The following PTCSC3 variants were observed in gnomAD, a reference collection of about 807,000 sequenced individuals.
PTCSC3 encodes papillary thyroid carcinoma susceptibility candidate 3, also known as papillary thyroid carcinoma susceptibility candidate 3 (non-protein coding).
chr14:36,162,661 C>G (rs906540353), exon 2 of PTCSC3: 1 of 152,254 alleles, frequency 6.6e-6, no homozygotes, highest in Non-Finnish European at 1.5e-5. Context: ...TAGACTGGAG[C>G]TGCTCCTATT....
intron 3 of PTCSC3, among the ~76,000 whole-genome samples, chr14:36,142,956 T>A (rs1300450160): frequency 6.6e-6 from 1 of 151,988 alleles, no homozygotes; most frequent in Non-Finnish European, 1.5e-5. Context: ...TGATTTCCAA[T>A]TTCACCCATG....
intron 1 of PTCSC3, among the ~76,000 whole-genome samples, chr14:36,173,984 CTTTT>C (rs111325788): frequency 6.6e-6 from 1 of 151,804 alleles, no homozygotes; most frequent in African/African-American, 2.4e-5. Context: ...TATAAAGTAC[CTTTT>C]TTTTCTCTTT....
chr14:36,141,488 G>A (rs1028390501), intron 3 of PTCSC3, among the ~76,000 whole-genome samples: 12 of 151,870 alleles, frequency 7.9e-5, no homozygotes, highest in Non-Finnish European at 1.6e-4. Flanking sequence ...AGGTAGCTGG[G>A]ATTACAGGCA....
intron 2 of PTCSC3, among the ~76,000 whole-genome samples, chr14:36,157,079 T>C (rs1881846267): frequency 6.6e-6 from 1 of 152,206 alleles, no homozygotes; most frequent in Non-Finnish European, 1.5e-5. Flanking sequence ...GCATCTGTTG[T>C]TTCCTGACTT....
At chr14:36,169,633 A>G (rs750473591) in intron 1 of PTCSC3, among the ~76,000 whole-genome samples, 104 of 152,112 alleles carry the variant, frequency 6.8e-4, no homozygotes, top group Non-Finnish European at 1.4e-3. Flanking sequence ...CTTTCTACCT[A>G]TCAATCTGGT....
At chr14:36,158,986 G>T (rs552742774) in intron 2 of PTCSC3, among the ~76,000 whole-genome samples, 6 of 151,968 alleles carry the variant, frequency 3.9e-5, no homozygotes, top group Admixed American at 2.6e-4. Context: ...ACTTGGGAGG[G>T]TATATGTGTC....
At chr14:36,150,605 G>GA (rs757397948) in intron 3 of PTCSC3, among the ~76,000 whole-genome samples, 1 of 152,048 alleles carries the variant, frequency 6.6e-6, no homozygotes, top group Non-Finnish European at 1.5e-5. Flanking sequence ...TTTCACTTTT[G>GA]AAAAATCTTC....
chr14:36,173,570 A>G (rs1480116161), intron 1 of PTCSC3, among the ~76,000 whole-genome samples: 1 of 152,186 alleles, frequency 6.6e-6, no homozygotes, highest in African/African-American at 2.4e-5. Flanking sequence ...TCTTAGGTAG[A>G]AGTGACTTGA....
At chr14:36,137,853 A>G (rs1016166895) in intron 3 of PTCSC3, among the ~76,000 whole-genome samples, 1 of 152,190 alleles carries the variant, frequency 6.6e-6, no homozygotes, top group African/African-American at 2.4e-5. Context: ...GAGACATGCA[A>G]GTGGAGATGA....
intron 2 of PTCSC3, among the ~76,000 whole-genome samples, chr14:36,154,396 A>G (rs745950796): frequency 6.6e-6 from 1 of 152,250 alleles, no homozygotes; most frequent in Non-Finnish European, 1.5e-5. Context: ...ACACATTATC[A>G]CAAACATGCT....
chr14:36,159,879 A>C (rs1031540988), intron 2 of PTCSC3, among the ~76,000 whole-genome samples: 31 of 152,078 alleles, frequency 2.0e-4, no homozygotes, highest in Non-Finnish European at 7.4e-5. Flanking sequence ...GTAGGTCTCT[A>C]AGGACTTGCT....
chr14:36,151,591 T>A (rs1013119855), intron 3 of PTCSC3, among the ~76,000 whole-genome samples: 3 of 152,212 alleles, frequency 2.0e-5, no homozygotes, highest in African/African-American at 7.2e-5. Flanking sequence ...ATTTTGTGAT[T>A]AAAATATCTC....
intron 2 of PTCSC3, among the ~76,000 whole-genome samples, chr14:36,162,075 T>A (rs1187851425): frequency 2.6e-5 from 4 of 151,960 alleles, no homozygotes; most frequent in African/African-American, 4.8e-5. Flanking sequence ...AGCTCGAGTG[T>A]CCCAGGTCAA....
At chr14:36,163,969 G>A (rs972748961) in intron 1 of PTCSC3, among the ~76,000 whole-genome samples, 2 of 152,068 alleles carry the variant, frequency 1.3e-5, no homozygotes, top group African/African-American at 4.8e-5. Context: ...AACAACAGAC[G>A]GTGTCAGGAG....
chr14:36,169,985 G>A (rs751534399), intron 1 of PTCSC3, among the ~76,000 whole-genome samples: 37 of 152,188 alleles, frequency 2.4e-4, no homozygotes, highest in Admixed American at 5.2e-4. Flanking sequence ...GCTCTAGAAC[G>A]TTGAACTGTG....
At chr14:36,149,542 C>T (rs1881675242) in intron 3 of PTCSC3, among the ~76,000 whole-genome samples, 1 of 152,172 alleles carries the variant, frequency 6.6e-6, no homozygotes, top group Non-Finnish European at 1.5e-5. Context: ...CACTGATTTT[C>T]TGCTTGCTGG....
At chr14:36,142,146 T>G (rs1452972621) in intron 3 of PTCSC3, among the ~76,000 whole-genome samples, 1 of 152,204 alleles carries the variant, frequency 6.6e-6, no homozygotes, top group Non-Finnish European at 1.5e-5. Context: ...AAGTATGATG[T>G]TAGCTGGAAG....
chr14:36,150,928 A>G (rs1881706921), intron 3 of PTCSC3, among the ~76,000 whole-genome samples: 1 of 114,538 alleles, frequency 8.7e-6, no homozygotes, highest in African/African-American at 2.9e-5. Flanking sequence ...TATGAATAAG[A>G]AAGGTATTTT....
intron 1 of PTCSC3, among the ~76,000 whole-genome samples, chr14:36,167,650 C>T (rs77881436): frequency 6.6e-6 from 1 of 152,112 alleles, no homozygotes; most frequent in African/African-American, 2.4e-5. Flanking sequence ...AAATCCCTCT[C>T]TCTCAGGGTT....
Sources: gnomAD v4.1 joint callset for allele counts (sites outside exome capture counted in the v4.1 genomes callset) on GRCh38, gnomAD v4.1.1 for gene constraint, MANE v1.5 for transcripts, NCBI Gene and HGNC (gene_info 2026-07-23, HGNC 2026-07-21) for gene names.